Variants in PARD3B observed in about 807,000 individuals in gnomAD.
The protein encoded by PARD3B is partitioning defective 3 homolog B.
In PARD3B, 103 loss-of-function variants were observed where a neutral mutation model predicts 130.2. The observed-to-expected ratio is 0.79, with a 90% CI of 0.67 to 0.93. The LOEUF is 0.93. Among genes scored for constraint, PARD3B ranks in the 40% least tolerant of loss-of-function variants. The pLI is 0.00. For missense variants in PARD3B, 1,609 were observed against 1,499.2 expected, an observed-to-expected ratio of 1.07 and a Z score of -1.21; for synonymous variants, 583 against 553.2, an observed-to-expected ratio of 1.05 and a Z score of -0.76.
intron 2 of PARD3B, among the ~76,000 whole-genome samples, chr2:204,791,121 G>GTT (rs2042186635): frequency 1.3e-4 from 1 of 7,770 alleles, no homozygotes; most frequent in Non-Finnish European, 5.2e-4. Context: ...ATAAAAAAAG[G>GTT]ATAAAAAAAA....
intron 3 of PARD3B, among the ~76,000 whole-genome samples, chr2:205,042,779 AC>A (rs1178412536): frequency 6.6e-6 from 1 of 151,886 alleles, no homozygotes; most frequent in Admixed American, 6.6e-5. Flanking sequence ...CTGAAAGATA[AC>A]TTGAGAGTGG....
intron 7 of PARD3B, among the ~76,000 whole-genome samples, chr2:205,120,107 T>C (rs2030498021): frequency 6.6e-6 from 1 of 152,160 alleles, no homozygotes; most frequent in Non-Finnish European, 1.5e-5. Context: ...TACTGGCTGC[T>C]AAGTATGAAA....
At chr2:204,899,850 T>C (rs979409234) in intron 2 of PARD3B, among the ~76,000 whole-genome samples, 2 of 152,178 alleles carry the variant, frequency 1.3e-5, no homozygotes, top group East Asian at 1.9e-4. Flanking sequence ...TTCTTCTTGA[T>C]TGAAGGATAA....
intron 18 of PARD3B, among the ~76,000 whole-genome samples, chr2:205,374,301 A>G (rs2044947100): frequency 6.6e-6 from 1 of 152,086 alleles, no homozygotes; most frequent in African/African-American, 2.4e-5. Flanking sequence ...CAGTGGAGCA[A>G]TCTCAGCTCA....
intron 22 of PARD3B, among the ~76,000 whole-genome samples, chr2:205,595,403 C>T (rs1559252890): frequency 6.6e-6 from 1 of 152,154 alleles, no homozygotes; most frequent in Non-Finnish European, 1.5e-5. Context: ...GGTAATGGCT[C>T]TTTAGTTTTA....
At chr2:205,134,950 C>T (rs1254602094) in intron 10 of PARD3B, among the ~76,000 whole-genome samples, 1 of 152,104 alleles carries the variant, frequency 6.6e-6, no homozygotes, top group East Asian at 1.9e-4. Flanking sequence ...GTAAAGATCT[C>T]ATGACATTTC....
In PARD3B at chr2:204,678,689, C is replaced by T. The variant is rs1433481037; in HGVS notation, c.121-7492C>T. ...GTTGCTTCTCCTCTCGATGTTCAGC[C>T]GCTTGTCTCTCTGCCAGCTGAGCTC... On this transcript the variant is annotated intron_variant, in intron 1 of 22. Transcript: ENST00000406610. This position sits in a 1 kb window ranked among gnomAD's most constrained non-coding sequence, Gnocchi z 4.2. Among the ~76,000 whole-genome samples, 2 of 151,994 alleles carry T rather than the reference C, an allele frequency of 1.3e-5. No homozygotes were observed. The highest frequency in any genetic ancestry group is 4.8e-5 in the African/African-American group (2 of 41,388).
rs191692595 is a variant in PARD3B at position 205,091,392 on chromosome 2, C to A, written c.505-13034C>A. Among the ~76,000 whole-genome samples, 272 of 152,028 alleles carry A rather than the reference C, an allele frequency of 1.8e-3. 1 individual carries two copies. Among genetic ancestry groups the A allele is most frequent in the African/African-American group, 6.1e-3 (251 of 41,462 alleles). On this transcript the variant is annotated intron_variant, in intron 4 of 22. Coordinates refer to ENST00000406610, the MANE Select transcript of PARD3B (RefSeq NM_001302769.2). The surrounding 1 kb of genome is among the most constrained non-coding windows in gnomAD (Gnocchi z 4.2). ...TTCAAAGAGGCTCCAGAAAAGATCGCAGCATTGGCGACCTCTCACTTTTCT... is the reference window on the plus strand; with the variant it reads ...TTCAAAGAGGCTCCAGAAAAGATCGAAGCATTGGCGACCTCTCACTTTTCT...
chr2:205,473,597 G>A lies in PARD3B; in HGVS notation c.3045-26299G>A, dbSNP rs1175610630. ...TGAAATAAAAATAAACAGGAAGGTGGCATGTACTAACTGAAATGCTTCTTT... is the reference window on the plus strand; with the variant it reads ...TGAAATAAAAATAAACAGGAAGGTGACATGTACTAACTGAAATGCTTCTTT... On this transcript the variant is annotated intron_variant, in intron 20 of 22. Transcript: ENST00000406610. The surrounding 1 kb of genome is among the most constrained non-coding windows in gnomAD (Gnocchi z 4.9). Among the ~76,000 whole-genome samples the A allele has an allele frequency of 6.7e-6, 1 of 149,788 alleles. No homozygotes were observed. Among genetic ancestry groups the A allele is most frequent in the Admixed American group, 6.7e-5 (1 of 14,960 alleles).
chr2:205,038,514 A>G (rs887584577), intron 3 of PARD3B, among the ~76,000 whole-genome samples: 21 of 152,186 alleles, frequency 1.4e-4, no homozygotes, highest in Non-Finnish European at 2.5e-4. Context: ...AGATTTGTGA[A>G]TACAACTGGA....
intron 1 of PARD3B, among the ~76,000 whole-genome samples, chr2:204,576,258 G>C (rs2032253595): frequency 6.6e-6 from 1 of 152,164 alleles, no homozygotes; most frequent in Non-Finnish European, 1.5e-5. Context: ...CTGGGGTGCT[G>C]CTATTTTTGA....
chr2:204,705,088 G>A (rs2038074839), intron 2 of PARD3B, among the ~76,000 whole-genome samples: 1 of 152,200 alleles, frequency 6.6e-6, no homozygotes, highest in Non-Finnish European at 1.5e-5. Context: ...TATAGTACAG[G>A]AAGGGTAGAA....
chr2:205,471,353 CTTTTT>C (rs769669913), intron 20 of PARD3B, among the ~76,000 whole-genome samples: 13 of 85,406 alleles, frequency 1.5e-4, no homozygotes, highest in African/African-American at 5.6e-4. Context: ...ACTCACTTTT[CTTTTT>C]TTTTTTTTTT....
At chr2:205,007,855 C>G (rs377616219) in intron 3 of PARD3B, among the ~76,000 whole-genome samples, 1 of 151,980 alleles carries the variant, frequency 6.6e-6, no homozygotes, top group South Asian at 2.1e-4. Context: ...TCAACGAAAT[C>G]TATGATTTTT....
At chr2:204,676,754 C>G (rs1162407913) in intron 1 of PARD3B, among the ~76,000 whole-genome samples, 1 of 150,234 alleles carries the variant, frequency 6.7e-6, no homozygotes, top group African/African-American at 2.4e-5. Flanking sequence ...ACTGCAACCT[C>G]CACCTCCTGG....
chr2:204,591,894 G>T (rs759180949), intron 1 of PARD3B, among the ~76,000 whole-genome samples: 1 of 152,194 alleles, frequency 6.6e-6, no homozygotes, highest in Non-Finnish European at 1.5e-5. Flanking sequence ...GTCTTATGAA[G>T]ACATAATGCA....
At chr2:204,986,576 G>A (rs563723434) in intron 3 of PARD3B, among the ~76,000 whole-genome samples, 17 of 152,240 alleles carry the variant, frequency 1.1e-4, no homozygotes, top group South Asian at 4.1e-4. Context: ...TATTTTTAAC[G>A]TACGCAATTA....
At chr2:205,123,838 T>G (rs188709319) in intron 8 of PARD3B, among the ~76,000 whole-genome samples, 7 of 151,384 alleles carry the variant, frequency 4.6e-5, no homozygotes, top group Admixed American at 1.3e-4. Context: ...AGGGAGAAAT[T>G]GGAGATGCAG....
chr2:205,581,355 G>A (rs1244963962), intron 22 of PARD3B, among the ~76,000 whole-genome samples: 4 of 144,404 alleles, frequency 2.8e-5, no homozygotes, highest in African/African-American at 5.2e-5. Flanking sequence ...GTGTGTGTAC[G>A]TGTGTGTACG....
Sources: gnomAD v4.1 joint callset for allele counts (sites outside exome capture counted in the v4.1 genomes callset) on GRCh38, gnomAD v4.1.1 for gene constraint, Gnocchi (gnomAD v3.1) non-coding constraint, MANE v1.5 for transcripts, NCBI Gene and HGNC (gene_info 2026-07-23, HGNC 2026-07-21) for gene names.